ZMYM6: variants seen among roughly 807,000 people sequenced by gnomAD.
ZMYM6 encodes zinc finger MYM-type containing 6.
A neutral mutation model predicts 134.0 loss-of-function variants in ZMYM6; 90 were observed. That is an observed-to-expected ratio of 0.67 (90% CI 0.57 to 0.80). ZMYM6 has a LOEUF of 0.80. Among genes scored for constraint, ZMYM6 ranks in the 30% least tolerant of loss-of-function variants. ZMYM6 has a pLI of 0.00. For synonymous variants in ZMYM6, 481 were observed against 524.1 expected, an observed-to-expected ratio of 0.92 and a Z score of 1.12; for missense variants, 1,362 against 1,533.9, an observed-to-expected ratio of 0.89 and a Z score of 1.87.
In ZMYM6 at chr1:35,008,726, CA is replaced by C; in HGVS notation, c.1665+25del. On this transcript the variant is annotated intron_variant, in intron 11 of 15. Coordinates refer to ENST00000357182, the MANE Select transcript of ZMYM6 (RefSeq NM_007167.4). Reference sequence around the variant, plus strand: ...ACAATTTGCACTGATTTCAGAAAGCCAAAAAAAGTATATTATCACATTTACC... The same window carrying C: ...ACAATTTGCACTGATTTCAGAAAGCCAAAAAAGTATATTATCACATTTACC... 10 of 1,587,052 alleles carry C rather than the reference CA, an allele frequency of 6.3e-6. No individual in the cohort carries two copies. In the Admixed American group the frequency reaches 9.2e-5, roughly 15 times the overall value.
At chr1:35,013,811 C>T (rs949758831) in intron 6 of ZMYM6, 1 of 322,698 alleles carries the variant, frequency 3.1e-6, no homozygotes, top group Non-Finnish European at 4.5e-6. Context: ...CCTGCCTCAG[C>T]CTCCTGAGTA....
intron 2 of ZMYM6, among the ~76,000 whole-genome samples, chr1:35,025,466 C>CAAAAAAAAAAAAAAAA (rs1161814959): frequency 3.1e-3 from 171 of 54,576 alleles, no homozygotes; most frequent in Non-Finnish European, 4.7e-3. Context: ...GACTCCATCC[C>CAAAAAAAAAAAAAAAA]AAAAAAAAAA....
chr1:35,008,510 C>T (rs1315969518), intron 11 of ZMYM6, among the ~76,000 whole-genome samples: 5 of 152,088 alleles, frequency 3.3e-5, no homozygotes, highest in Admixed American at 3.3e-4. Flanking sequence ...GGGCAAAGTG[C>T]CTCATAAGAA....
rs936417966 is a variant in ZMYM6 at position 34,992,807 on chromosome 1, AATAT to A, written c.1993-424_1993-421del. 1.8e-4 allele frequency among the ~76,000 whole-genome samples: 26 copies of A among 144,566 alleles called. 1 individual carries two copies. Among genetic ancestry groups the A allele is most frequent in the Non-Finnish European group, 2.9e-4 (19 of 65,834 alleles). The allele number at this position is 144,566 out of a possible 152,430, so 94.8% of individuals were successfully genotyped here. A position where few individuals can be genotyped will look rare whatever the true frequency, so the allele number is the denominator to read the frequency against. ...TATACTTATAAACTATAAATATAAAAATATACTTATAAACTATAAATATAAAAAT... is the reference window on the plus strand; with the variant it reads ...TATACTTATAAACTATAAATATAAAAACTTATAAACTATAAATATAAAAAT... On this transcript the variant is annotated intron_variant, in intron 14 of 15. Transcript: ENST00000357182.
In ZMYM6 at chr1:34,988,859, G is replaced by C; in HGVS notation, c.2223C>G (p.Phe741Leu). Residue 741 changes from phenylalanine to leucine, a missense_variant, in exon 16 of 16, where the codon TTC (phenylalanine) becomes TTG (leucine). Around this residue, in one of 3 missense-constraint regions of ZMYM6, gnomAD observed 824 missense variants for 940.9 expected, o/e 0.88. Transcript: ENST00000357182. ...TTAAATATTCTGTATCATAAGTCTGGAAAAAACCTAATCTTTTTTTCTTTG... is the reference window on the plus strand; with the variant it reads ...TTAAATATTCTGTATCATAAGTCTGCAAAAAACCTAATCTTTTTTTCTTTG... ...PPSKKKRLGF[F>L]QTYDTEYLKV... is the part of the protein sequence containing the mutation. The C allele has an allele frequency of 1.9e-6, 3 of 1,604,918 alleles. No homozygotes were observed. The South Asian group carries it at 3.3e-5, about 18-fold the overall frequency.
At chr1:35,006,843 C>T in intron 12 of ZMYM6, 108 bp downstream of exon 12, 1 of 1,069,958 alleles carries the variant, frequency 9.3e-7, no homozygotes, top group South Asian at 4.1e-5. Context: ...GAAATTCAGG[C>T]TATTTGAATC....
At chr1:35,022,879 T>C (rs2148460156) in intron 2 of ZMYM6, among the ~76,000 whole-genome samples, 1 of 152,244 alleles carries the variant, frequency 6.6e-6, no homozygotes, top group South Asian at 2.1e-4. Flanking sequence ...ATAACAGTAA[T>C]GACTATAGGT....
In ZMYM6 at chr1:34,995,054, G is replaced by GTA. The variant is rs754005886; in HGVS notation, c.1993-2669_1993-2668dup. 4.0e-5 allele frequency among the ~76,000 whole-genome samples: 5 copies of GTA among 124,836 alleles called. No individual in the cohort carries two copies. The East Asian group carries it at 1.6e-3, about 40-fold the overall frequency. 81.9% of individuals were successfully genotyped at this position (124,836 alleles called of 152,430 possible). On this transcript the variant is annotated intron_variant, in intron 14 of 15. Transcript: ENST00000357182. The stretch of plus-strand genomic sequence containing the variant: ...ATATGTAATATATATACTTACATAC[G>GTA]TATATATATGTAATATATATACTTA...
intron 11 of ZMYM6, among the ~76,000 whole-genome samples, chr1:35,008,442 T>A (rs1035007207): frequency 2.6e-5 from 4 of 152,160 alleles, no homozygotes; most frequent in African/African-American, 9.7e-5. Context: ...GTAACCTGAA[T>A]GAGAGAGCCA....
chr1:35,025,466 C>CAAAAAAAAAAAAAAAAAAA (rs1161814959), intron 2 of ZMYM6, among the ~76,000 whole-genome samples: 2 of 55,006 alleles, frequency 3.6e-5, no homozygotes, highest in Non-Finnish European at 7.7e-5. Flanking sequence ...GACTCCATCC[C>CAAAAAAAAAAAAAAAAAAA]AAAAAAAAAA....
intron 2 of ZMYM6, among the ~76,000 whole-genome samples, chr1:35,028,915 G>A: frequency 6.6e-6 from 1 of 152,054 alleles, no homozygotes; most frequent in East Asian, 1.9e-4. Flanking sequence ...AATTGGCCAG[G>A]TGTGGTGGCT....
chr1:35,019,232 T>C, intron 4 of ZMYM6, 121 bp downstream of exon 4: 3 of 1,421,136 alleles, frequency 2.1e-6, no homozygotes, highest in African/African-American at 1.4e-5. Context: ...TTCCATTAAC[T>C]AAAAAGTTAT....
chr1:35,025,466 C>CAAAAA (rs1161814959), intron 2 of ZMYM6, among the ~76,000 whole-genome samples: 32 of 54,872 alleles, frequency 5.8e-4, no homozygotes, highest in East Asian at 9.3e-4. Context: ...GACTCCATCC[C>CAAAAA]AAAAAAAAAA....
intron 4 of ZMYM6, among the ~76,000 whole-genome samples, chr1:35,016,091 C>T (rs1255173154): frequency 1.3e-5 from 2 of 151,746 alleles, no homozygotes; most frequent in Non-Finnish European, 2.9e-5. Flanking sequence ...AGCTGGGACA[C>T]CAGCACGTGC....
chr1:35,019,606 T>C lies in ZMYM6; in HGVS notation c.179-4A>G. The C allele has an allele frequency of 6.3e-7, 1 of 1,577,656 alleles. No individual in the cohort carries two copies. The highest frequency in any genetic ancestry group is 8.6e-7 in the Non-Finnish European group (1 of 1,169,390). The stretch of plus-strand genomic sequence containing the variant: ...AAGCCTGGGTTCAACTGCTGGGCTA[T>C]CAAAACAAAATAAAAAAAGTTTTAG... On this transcript the variant is annotated splice_region_variant and splice_polypyrimidine_tract_variant and intron_variant, in intron 3 of 15. Coordinates refer to ENST00000357182, the MANE Select transcript of ZMYM6 (RefSeq NM_007167.4).
At chr1:34,991,998 C>A in intron 15 of ZMYM6, 2 of 537,450 alleles carry the variant, frequency 3.7e-6, no homozygotes, top group Admixed American at 3.2e-5. Context: ...GGTTAAATCA[C>A]TAATGCTTTT....
intron 2 of ZMYM6, among the ~76,000 whole-genome samples, chr1:35,021,539 G>C (rs1641309288): frequency 6.6e-6 from 1 of 151,772 alleles, no homozygotes; most frequent in Non-Finnish European, 1.5e-5. Context: ...AGAATCACTT[G>C]AACCCGGGAG....
At chr1:35,002,643 G>A (rs1356886277) in intron 14 of ZMYM6, among the ~76,000 whole-genome samples, 2 of 152,078 alleles carry the variant, frequency 1.3e-5, no homozygotes, top group African/African-American at 2.4e-5. Flanking sequence ...TCAGTTTTTT[G>A]AGCACTACTG....
At position 35,027,160 on chromosome 1, in the gene ZMYM6, G is replaced by A. The variant is rs188661427; in HGVS notation, c.93+3387C>T. Among the ~76,000 whole-genome samples, 71 of 152,278 alleles carry A rather than the reference G, an allele frequency of 4.7e-4. 1 individual carries two copies. Among genetic ancestry groups the A allele is most frequent in the African/African-American group, 1.4e-3 (59 of 41,554 alleles). ...AAAGGCAGGGAAATAAAATGCAACCGAGTTTTAGAAGATAGTTTTGAGTGA... is the reference window on the plus strand; with the variant it reads ...AAAGGCAGGGAAATAAAATGCAACCAAGTTTTAGAAGATAGTTTTGAGTGA... On this transcript the variant is annotated intron_variant, in intron 2 of 15. Transcript: ENST00000357182.
Sources: allele counts gnomAD v4.1 joint callset (sites outside exome capture counted in the v4.1 genomes callset), GRCh38; gene constraint gnomAD v4.1.1; regional missense constraint gnomAD v4.1.1; transcripts MANE v1.5; gene names NCBI Gene and HGNC (gene_info 2026-07-23, HGNC 2026-07-21).